Variants in DCAF6 observed in about 807,000 individuals in gnomAD.
DCAF6 encodes the protein DDB1 and CUL4 associated factor 6.
DCAF6 carries 54 observed loss-of-function variants against 125.1 expected under a neutral mutation model. The observed-to-expected ratio is 0.43, with a 90% CI of 0.35 to 0.54. DCAF6 has a LOEUF of 0.54. DCAF6 is among the 20% of genes least tolerant of loss of function. DCAF6 has a pLI of 0.01. For missense variants in DCAF6, 934 were observed against 1,161.7 expected, an observed-to-expected ratio of 0.80 and a Z score of 2.85; for synonymous variants, 371 against 390.4, an observed-to-expected ratio of 0.95 and a Z score of 0.58.
the DCAF6 span, among the ~76,000 whole-genome samples, chr1:167,928,276 A>G: frequency 2.7e-5 from 4 of 149,002 alleles, no homozygotes; most frequent in Non-Finnish European, 6.0e-5. Flanking sequence ...TGAAGCCGGG[A>G]GGTGGAGCTT....
At chr1:167,906,026 A>G in the DCAF6 span, among the ~76,000 whole-genome samples, 1 of 152,190 alleles carries the variant, frequency 6.6e-6, no homozygotes, top group African/African-American at 2.4e-5. Flanking sequence ...TTGTTTTTTT[A>G]AGAAAAGGAA....
At chr1:168,055,621 T>A (rs1487569738) in intron 17 of DCAF6, among the ~76,000 whole-genome samples, 4 of 96,088 alleles carry the variant, frequency 4.2e-5, no homozygotes. Context: ...AATTATGTAA[T>A]TTTTATAACT....
intron 18 of DCAF6, 150 bp downstream of exon 18, chr1:168,063,909 T>TA: frequency 1.4e-6 from 1 of 716,562 alleles, no homozygotes; most frequent in Non-Finnish European, 2.2e-6. Flanking sequence ...ATGGTTCTTT[T>TA]AGCCCTATAA....
intron 21 of DCAF6, among the ~76,000 whole-genome samples, chr1:168,073,965 TTGAATACATATTTATAAAATAAA>T (rs1279405913): frequency 1.4e-5 from 2 of 144,732 alleles, no homozygotes; most frequent in East Asian, 4.0e-4. Flanking sequence ...TAAATATGTA[TTGAATACATATTTATAAAATAAA>T]TGAACAAAAT....
intron 4 of DCAF6, among the ~76,000 whole-genome samples, chr1:167,979,414 T>A (rs1678761951): frequency 6.6e-6 from 1 of 152,196 alleles, no homozygotes; most frequent in Non-Finnish European, 1.5e-5. Flanking sequence ...TCATTCTACT[T>A]TCTGTTTCTA....
At chr1:167,892,626 A>G in the DCAF6 span, among the ~76,000 whole-genome samples, 1 of 152,154 alleles carries the variant, frequency 6.6e-6, no homozygotes, top group East Asian at 1.9e-4. Context: ...TTAAGCTTCA[A>G]AAGCCATGAA....
chr1:168,037,618 G>C (rs1688007232), intron 12 of DCAF6, among the ~76,000 whole-genome samples: 1 of 151,722 alleles, frequency 6.6e-6, no homozygotes, highest in Admixed American at 6.6e-5. Context: ...CTATTAATTT[G>C]TGTAGGCTTT....
At chr1:167,949,675 T>G (rs1176565927) in intron 1 of DCAF6, among the ~76,000 whole-genome samples, 5 of 152,148 alleles carry the variant, frequency 3.3e-5, no homozygotes, top group Non-Finnish European at 5.9e-5. Flanking sequence ...GCCTCTGACT[T>G]AGGAGTTTGG....
intron 1 of DCAF6, among the ~76,000 whole-genome samples, chr1:167,943,912 T>C (rs1445184251): frequency 6.7e-6 from 1 of 149,726 alleles, no homozygotes; most frequent in African/African-American, 2.5e-5. Flanking sequence ...GATCTCGGCT[T>C]ACTGCAAGTT....
intron 3 of DCAF6, 28 bp from the exon 4 acceptor site, chr1:167,974,802 C>G: frequency 6.9e-7 from 1 of 1,447,062 alleles, no homozygotes; most frequent in Non-Finnish European, 9.1e-7. Context: ...AATAAGTTAC[C>G]ATTAACTGCT....
the DCAF6 span, among the ~76,000 whole-genome samples, chr1:167,891,588 G>A: frequency 2.6e-5 from 4 of 151,180 alleles, no homozygotes; most frequent in South Asian, 2.1e-4. Flanking sequence ...CCCGGGAGGC[G>A]GAGCTTGCAG....
chr1:167,962,868 T>C (rs1675829751), intron 2 of DCAF6, among the ~76,000 whole-genome samples: 1 of 152,196 alleles, frequency 6.6e-6, no homozygotes, highest in African/African-American at 2.4e-5. Context: ...GGCAGGAGAA[T>C]TGCTTGAACC....
intron 21 of DCAF6, among the ~76,000 whole-genome samples, chr1:168,071,727 T>G (rs899078726): frequency 6.6e-6 from 1 of 152,174 alleles, no homozygotes. Flanking sequence ...CCACCCCCTC[T>G]TAAAATTCTC....
the DCAF6 span, among the ~76,000 whole-genome samples, chr1:167,865,146 A>G: frequency 1.3e-5 from 2 of 152,230 alleles, no homozygotes; most frequent in African/African-American, 4.8e-5. Context: ...GAAACAGTTT[A>G]TGTGCAAGGT....
rs764963031 is a variant in DCAF6 at position 167,966,741 on chromosome 1, C to G, written c.252+20C>G. 5 of 1,435,736 alleles carry G rather than the reference C, an allele frequency of 3.5e-6. No homozygotes were observed. The highest frequency in any genetic ancestry group is 1.8e-4 in the Middle Eastern group (1 of 5,704). 88.9% of individuals were successfully genotyped at this position (1,435,736 alleles called of 1,614,324 possible). The stretch of plus-strand genomic sequence containing the variant: ...AGAAAGGTAAAGTAGTTTAAAAAAT[C>G]TGTAATTTAATGAGAGAAAAAAAAT... On this transcript the variant is annotated intron_variant, in intron 3 of 21. Transcript: ENST00000367840.
the DCAF6 span, among the ~76,000 whole-genome samples, chr1:167,869,566 C>T: frequency 0.088 from 13,430 of 152,042 alleles, 1,811 homozygotes; most frequent in African/African-American, 0.3. Context: ...TGACCTAAGC[C>T]TGGTAGTTAA....
At chr1:167,927,420 C>A in the DCAF6 span, among the ~76,000 whole-genome samples, 1 of 152,216 alleles carries the variant, frequency 6.6e-6, no homozygotes, top group African/African-American at 2.4e-5. Flanking sequence ...GTGTCTCTGG[C>A]TCATACACAG....
At chr1:167,875,958 G>C in the DCAF6 span, among the ~76,000 whole-genome samples, 1 of 150,456 alleles carries the variant, frequency 6.6e-6, no homozygotes, top group Non-Finnish European at 1.5e-5. Context: ...ATCTCAAAAA[G>C]AAAAAAAAGG....
chr1:167,941,000 C>T (rs1359557506), intron 1 of DCAF6, among the ~76,000 whole-genome samples: 1 of 151,870 alleles, frequency 6.6e-6, no homozygotes, highest in African/African-American at 2.4e-5. Flanking sequence ...TTTTGCGTGT[C>T]GATTACTCTT....
Sources: allele counts gnomAD v4.1 joint callset (sites outside exome capture counted in the v4.1 genomes callset), GRCh38; gene constraint gnomAD v4.1.1; transcripts MANE v1.5; gene names NCBI Gene and HGNC (gene_info 2026-07-23, HGNC 2026-07-21).